Variants in UVRAG observed in about 807,000 individuals in gnomAD.
The protein encoded by UVRAG is UV radiation resistance-associated gene protein.
A neutral mutation model predicts 78.0 loss-of-function variants in UVRAG; 19 were observed. The observed-to-expected ratio is 0.24, with a 90% confidence interval of 0.17 to 0.36. The LOEUF (loss-of-function observed/expected upper bound fraction) is 0.36. Among genes scored for constraint, UVRAG ranks in the 10% least tolerant of loss-of-function variants. UVRAG has a pLI of 1.00. For synonymous variants in UVRAG, 323 were observed against 324.6 expected, an observed-to-expected ratio of 1.00 and a Z score of 0.05; for missense variants, 740 against 853.8, an observed-to-expected ratio of 0.87 and a Z score of 1.66.
intron 1 of UVRAG, among the ~76,000 whole-genome samples, chr11:75,821,424 C>T (rs1945384202): frequency 6.6e-6 from 1 of 152,180 alleles, no homozygotes; most frequent in Non-Finnish European, 1.5e-5. Context: ...TCACTGCAGC[C>T]TTGACTTCCT....
chr11:75,916,043 CA>C (rs1332737484), intron 6 of UVRAG: 1 of 152,076 alleles, frequency 6.6e-6, no homozygotes, highest in Non-Finnish European at 1.5e-5. Flanking sequence ...TATACTTTTT[CA>C]AAGAGATAAC....
In UVRAG at chr11:76,040,200, A is replaced by T. The variant is rs1950618016; in HGVS notation, c.1226+23220A>T. Among the ~76,000 whole-genome samples, 4 of 152,162 alleles carry T rather than the reference A, an allele frequency of 2.6e-5. No homozygotes were observed. The South Asian group carries it at 8.3e-4, about 32-fold the overall frequency. On this transcript the variant is annotated intron_variant, in intron 12 of 14. Transcript: ENST00000356136. ...AAAGACTAACTAAAGTATGCAAATA[A>T]CAGCACTAGATCTGCAGCAAAGAAG... is the stretch of plus-strand genomic sequence containing the variant.
rs1281704034 is a variant in UVRAG at position 76,142,442 on chromosome 11, G to C, written c.*1029G>C. ...ATAGTTGGATTAAGAGGCTAGACGA[G>C]ACATAGAATACTATTGGTATGTGTG... On this transcript the variant is annotated 3_prime_UTR_variant, in exon 15 of 15. Coordinates refer to ENST00000356136, the MANE Select transcript of UVRAG (RefSeq NM_003369.4). 1 of 152,572 alleles carries C rather than the reference G, an allele frequency of 6.6e-6. No homozygotes were observed. The highest frequency in any genetic ancestry group is 1.5e-5 in the Non-Finnish European group (1 of 68,036). 9.5% of individuals were successfully genotyped at this position (152,572 alleles called of 1,614,324 possible).
chr11:75,838,781 G>A (rs1945843023), intron 1 of UVRAG, among the ~76,000 whole-genome samples: 1 of 152,218 alleles, frequency 6.6e-6, no homozygotes, highest in Non-Finnish European at 1.5e-5. Context: ...GCAGTATTGA[G>A]AGGTAGGGTC....
At chr11:75,962,971 A>G (rs1165817048) in intron 7 of UVRAG, among the ~76,000 whole-genome samples, 2 of 152,148 alleles carry the variant, frequency 1.3e-5, no homozygotes. Flanking sequence ...TCAGAGGTTC[A>G]TTGTGTGTTT....
chr11:75,945,549 T>G (rs1948571435), intron 6 of UVRAG, among the ~76,000 whole-genome samples: 1 of 152,148 alleles, frequency 6.6e-6, no homozygotes, highest in South Asian at 2.1e-4. Flanking sequence ...TGGGTCTGTT[T>G]TGTACCTACA....
At chr11:75,995,714 A>G (rs1475416233) in intron 8 of UVRAG, among the ~76,000 whole-genome samples, 2 of 152,084 alleles carry the variant, frequency 1.3e-5, no homozygotes, top group East Asian at 3.9e-4. Flanking sequence ...AGTCTTGCAT[A>G]ACAATTTTTT....
intron 13 of UVRAG, among the ~76,000 whole-genome samples, chr11:76,098,689 A>G (rs1951828398): frequency 6.6e-6 from 1 of 152,178 alleles, no homozygotes; most frequent in South Asian, 2.1e-4. Flanking sequence ...GAATAGCACA[A>G]AGAGTAATAT....
At chr11:76,039,457 A>C (rs760842862) in intron 12 of UVRAG, among the ~76,000 whole-genome samples, 1 of 152,260 alleles carries the variant, frequency 6.6e-6, no homozygotes, top group African/African-American at 2.4e-5. Flanking sequence ...AAAATATTGT[A>C]TTTGTGGCCC....
At chr11:76,105,153 T>G (rs1951947965) in intron 13 of UVRAG, among the ~76,000 whole-genome samples, 1 of 152,154 alleles carries the variant, frequency 6.6e-6, no homozygotes, top group South Asian at 2.1e-4. Flanking sequence ...TCACAGAAAC[T>G]GTGGGAGGGC....
intron 1 of UVRAG, among the ~76,000 whole-genome samples, chr11:75,848,380 G>GTA (rs1234183937): frequency 2.6e-5 from 4 of 152,134 alleles, no homozygotes; most frequent in Non-Finnish European, 5.9e-5. Context: ...GTCAGTTTAT[G>GTA]GAGTTTGTTT....
intron 12 of UVRAG, among the ~76,000 whole-genome samples, chr11:76,044,655 T>TTCA (rs1402904167): frequency 5.3e-5 from 8 of 152,050 alleles, no homozygotes; most frequent in Admixed American, 5.2e-4. Flanking sequence ...GTGCCTGTAG[T>TTCA]CCCAGCTACT....
intron 3 of UVRAG, among the ~76,000 whole-genome samples, chr11:75,871,891 T>C (rs917616866): frequency 6.6e-6 from 1 of 152,226 alleles, no homozygotes; most frequent in African/African-American, 2.4e-5. Context: ...GGTGGGATTA[T>C]GGTATTATGT....
chr11:75,861,809 G>T, intron 3 of UVRAG, 29 bp downstream of exon 3: 3 of 1,582,048 alleles, frequency 1.9e-6, no homozygotes, highest in South Asian at 1.1e-5. Flanking sequence ...GGGTACATAT[G>T]ACTAAGTATA....
chr11:76,057,294 T>G (rs1456593021), intron 12 of UVRAG, among the ~76,000 whole-genome samples: 1 of 152,188 alleles, frequency 6.6e-6, no homozygotes, highest in Non-Finnish European at 1.5e-5. Flanking sequence ...GATTATAACT[T>G]TAGCCCGAAC....
intron 11 of UVRAG, among the ~76,000 whole-genome samples, chr11:76,011,624 A>C (rs1396622310): frequency 6.6e-6 from 1 of 152,196 alleles, no homozygotes; most frequent in Non-Finnish European, 1.5e-5. Context: ...ACTCTGTCTA[A>C]AAACAAAAAC....
intron 13 of UVRAG, among the ~76,000 whole-genome samples, chr11:76,095,151 C>G (rs981479014): frequency 5.3e-5 from 8 of 152,130 alleles, no homozygotes; most frequent in African/African-American, 1.9e-4. Context: ...GAACTGTTGC[C>G]TGGCTCACGG....
chr11:75,899,255 T>C (rs1298419430), intron 5 of UVRAG, among the ~76,000 whole-genome samples: 1 of 152,152 alleles, frequency 6.6e-6, no homozygotes, highest in Non-Finnish European at 1.5e-5. Flanking sequence ...CTATTTGAGC[T>C]GGTGTGATTG....
At chr11:76,036,575 A>G (rs1417924193) in intron 12 of UVRAG, among the ~76,000 whole-genome samples, 1 of 152,146 alleles carries the variant, frequency 6.6e-6, no homozygotes, top group Non-Finnish European at 1.5e-5. Flanking sequence ...AATACCATGC[A>G]TGATTCATTG....
Sources: allele counts gnomAD v4.1 joint callset (sites outside exome capture counted in the v4.1 genomes callset), GRCh38; gene constraint gnomAD v4.1.1; transcripts MANE v1.5; gene names NCBI Gene and HGNC (gene_info 2026-07-23, HGNC 2026-07-21).